ENTREP2: variants seen among roughly 807,000 people sequenced by gnomAD.
ENTREP2 encodes protein ENTREP2.
chr15:29,402,773 T>C, the ENTREP2 span, among the ~76,000 whole-genome samples: 2 of 152,216 alleles, frequency 1.3e-5, no homozygotes, highest in Non-Finnish European at 2.9e-5. Context: ...ACCATGGTTA[T>C]CTCCAGACAG....
At chr15:29,650,921 T>G in the ENTREP2 span, among the ~76,000 whole-genome samples, 16 of 151,984 alleles carry the variant, frequency 1.1e-4, no homozygotes, top group African/African-American at 3.9e-4. Context: ...GAGGCTCAGG[T>G]GGGAGGATTG....
the ENTREP2 span, among the ~76,000 whole-genome samples, chr15:29,344,415 C>T: frequency 7.9e-5 from 12 of 152,152 alleles, no homozygotes; most frequent in Non-Finnish European, 4.4e-5. Context: ...AGGGAACTTC[C>T]TCCCTGCTAG....
At chr15:29,413,369 C>T in the ENTREP2 span, among the ~76,000 whole-genome samples, 2 of 152,078 alleles carry the variant, frequency 1.3e-5, no homozygotes, top group Non-Finnish European at 2.9e-5. Context: ...ACAGATTGAT[C>T]GATTTCTACC....
the ENTREP2 span, among the ~76,000 whole-genome samples, chr15:29,222,257 G>T: frequency 6.6e-6 from 1 of 152,266 alleles, no homozygotes; most frequent in African/African-American, 2.4e-5. Flanking sequence ...TCAGCGCCAT[G>T]AGTTTACAAA....
the ENTREP2 span, among the ~76,000 whole-genome samples, chr15:29,548,048 G>C: frequency 6.6e-6 from 1 of 152,186 alleles, no homozygotes; most frequent in African/African-American, 2.4e-5. Context: ...ACAGAAAGTA[G>C]AAGGGGAGTT....
chr15:29,340,781 G>T, the ENTREP2 span, among the ~76,000 whole-genome samples: 1 of 152,174 alleles, frequency 6.6e-6, no homozygotes, highest in African/African-American at 2.4e-5. Flanking sequence ...TCACATGTAT[G>T]AGAGATGGGT....
At chr15:29,487,816 C>T in the ENTREP2 span, among the ~76,000 whole-genome samples, 2 of 152,200 alleles carry the variant, frequency 1.3e-5, no homozygotes, top group Admixed American at 1.3e-4. Context: ...CCTCAGCCTC[C>T]AGAGCAGCTG....
the ENTREP2 span, among the ~76,000 whole-genome samples, chr15:29,395,908 T>TGTA: frequency 6.6e-6 from 1 of 152,208 alleles, no homozygotes; most frequent in Non-Finnish European, 1.5e-5. Flanking sequence ...ATTAGCCATC[T>TGTA]GTATCTCTTC....
At chr15:29,145,828 C>G in the ENTREP2 span, among the ~76,000 whole-genome samples, 1 of 152,028 alleles carries the variant, frequency 6.6e-6, no homozygotes, top group Non-Finnish European at 1.5e-5. Context: ...CCAGGGCAAT[C>G]AGGAAAGAAG....
At chr15:29,497,324 C>T in the ENTREP2 span, among the ~76,000 whole-genome samples, 8 of 152,094 alleles carry the variant, frequency 5.3e-5, no homozygotes, top group South Asian at 2.1e-4. Flanking sequence ...TTTTTGGAAG[C>T]GTTTGAGAAG....
chr15:29,168,295 A>T, the ENTREP2 span, among the ~76,000 whole-genome samples: 1 of 152,200 alleles, frequency 6.6e-6, no homozygotes, highest in East Asian at 1.9e-4. Context: ...TCATGTAACC[A>T]AATACCACCT....
the ENTREP2 span, among the ~76,000 whole-genome samples, chr15:29,584,837 A>G: frequency 6.6e-6 from 1 of 152,210 alleles, no homozygotes; most frequent in African/African-American, 2.4e-5. Context: ...AATGGTAATT[A>G]TGTGAGATGA....
the ENTREP2 span, among the ~76,000 whole-genome samples, chr15:29,652,024 G>A: frequency 2.6e-5 from 4 of 152,144 alleles, no homozygotes; most frequent in African/African-American, 7.2e-5. Context: ...TCCTGGGCCC[G>A]CCCATGGCTG....
chr15:29,405,507 T>C, the ENTREP2 span, among the ~76,000 whole-genome samples: 1 of 152,154 alleles, frequency 6.6e-6, no homozygotes, highest in African/African-American at 2.4e-5. Context: ...AGAAGGTCCC[T>C]GCCTACCCTT....
chr15:29,479,855 C>G, the ENTREP2 span, among the ~76,000 whole-genome samples: 2 of 152,102 alleles, frequency 1.3e-5, no homozygotes. Flanking sequence ...GGAATTGTAG[C>G]AGCTGCTTGA....
the ENTREP2 span, chr15:29,269,213 C>T: frequency 1.2e-6 from 2 of 1,614,032 alleles, no homozygotes; most frequent in Non-Finnish European, 1.7e-6. Flanking sequence ...CTCATCTCGG[C>T]ATCCTCCTCC....
the ENTREP2 span, among the ~76,000 whole-genome samples, chr15:29,168,207 A>ACTACAAAT: frequency 6.6e-6 from 1 of 152,184 alleles, no homozygotes. Flanking sequence ...GGGATAAAAG[A>ACTACAAAT]CTACAAATAG....
At chr15:29,568,506 TG>T in the ENTREP2 span, among the ~76,000 whole-genome samples, 1 of 151,986 alleles carries the variant, frequency 6.6e-6, no homozygotes, top group South Asian at 2.1e-4. Context: ...GAATCCAGCC[TG>T]GGCAACATAA....
At chr15:29,293,604 A>G in the ENTREP2 span, among the ~76,000 whole-genome samples, 1 of 152,176 alleles carries the variant, frequency 6.6e-6, no homozygotes, top group Non-Finnish European at 1.5e-5. Context: ...GGTCCCAGGC[A>G]GAGAGTGGGG....
Sources: allele counts gnomAD v4.1 joint callset (sites outside exome capture counted in the v4.1 genomes callset), GRCh38; gene constraint gnomAD v4.1.1; transcripts MANE v1.5; gene names NCBI Gene and HGNC (gene_info 2026-07-23, HGNC 2026-07-21).